The following NAALADL2 variants were observed in gnomAD, a reference collection of about 807,000 sequenced individuals.
NAALADL2 encodes inactive N-acetylated-alpha-linked acidic dipeptidase-like protein 2.
In NAALADL2, 76 loss-of-function variants were observed where a neutral mutation model predicts 87.2. The ratio of observed to expected loss-of-function variants is 0.87; its 90% CI spans 0.72 to 1.05. The LOEUF (loss-of-function observed/expected upper bound fraction) is 1.05, where lower values mean the gene tolerates loss of function less well. Among genes scored for constraint, NAALADL2 ranks in the 50% least tolerant of loss-of-function variants. The pLI is 0.00. For missense variants in NAALADL2, 1,089 were observed against 945.8 expected (o/e 1.15, Z -1.99); for synonymous variants, 354 against 331.0 (o/e 1.07, Z -0.75).
intron 11 of NAALADL2, among the ~76,000 whole-genome samples, chr3:175,640,048 TA>T (rs1440234201): frequency 1.3e-5 from 2 of 152,180 alleles, no homozygotes; most frequent in East Asian, 3.8e-4. Context: ...ATAGAAAATT[TA>T]AAAACGTGAT....
chr3:175,525,369 G>A (rs949548427), intron 9 of NAALADL2, among the ~76,000 whole-genome samples: 18 of 152,162 alleles, frequency 1.2e-4, no homozygotes, highest in East Asian at 5.8e-4. Flanking sequence ...CTACCCCATC[G>A]TCCCATTTCT....
chr3:175,792,491 T>G (rs1475609211), intron 13 of NAALADL2, among the ~76,000 whole-genome samples: 2 of 152,342 alleles, frequency 1.3e-5, no homozygotes, highest in Non-Finnish European at 2.9e-5. Flanking sequence ...CAAATCATCT[T>G]GAATACTTAC....
At chr3:175,640,027 G>A (rs1200444641) in intron 11 of NAALADL2, among the ~76,000 whole-genome samples, 1 of 152,202 alleles carries the variant, frequency 6.6e-6, no homozygotes, top group Non-Finnish European at 1.5e-5. Context: ...AGAAAGCAGA[G>A]ATGCTTCAGA....
chr3:175,054,348 G>A (rs1429771223), intron 1 of NAALADL2, among the ~76,000 whole-genome samples: 10 of 152,264 alleles, frequency 6.6e-5, no homozygotes, highest in Non-Finnish European at 1.5e-4. Flanking sequence ...GGATAGTAAA[G>A]AAACAGTCTT....
At chr3:175,095,291 G>T (rs540790712) in intron 1 of NAALADL2, among the ~76,000 whole-genome samples, 1 of 151,948 alleles carries the variant, frequency 6.6e-6, no homozygotes. Flanking sequence ...TCACCCCTGA[G>T]TTTCCCTGAC....
rs192593937 is a variant in NAALADL2 at position 175,692,888 on chromosome 3, C to G, written c.1897-44418C>G. ...GGGTATAAATTCAAGGAGCTGTCCA[C>G]AAGACCCATAATTACTCTGATATCA... is the stretch of plus-strand genomic sequence containing the variant. On this transcript the variant is annotated intron_variant, in intron 11 of 13. Transcript: ENST00000454872. Among the ~76,000 whole-genome samples, 22 of 152,226 alleles carry G rather than the reference C, an allele frequency of 1.4e-4. No homozygotes were observed. The East Asian group carries it at 4.1e-3, about 28-fold the overall frequency.
chr3:175,733,784 A>G (rs1219164917), intron 11 of NAALADL2, among the ~76,000 whole-genome samples: 2 of 152,208 alleles, frequency 1.3e-5, no homozygotes, highest in African/African-American at 2.4e-5. Flanking sequence ...TATTGGGTAA[A>G]TACAGCCATT....
chr3:175,769,864 T>TA (rs563841857), intron 13 of NAALADL2, among the ~76,000 whole-genome samples: 57 of 152,286 alleles, frequency 3.7e-4, no homozygotes, highest in South Asian at 1.7e-3. Flanking sequence ...GAGTTGATGT[T>TA]ATAGTCTTGA....
At chr3:175,550,822 A>G (rs565476216) in intron 9 of NAALADL2, among the ~76,000 whole-genome samples, 1 of 152,176 alleles carries the variant, frequency 6.6e-6, no homozygotes, top group Non-Finnish European at 1.5e-5. Flanking sequence ...GAATCTCTAG[A>G]TATATACTGT....
chr3:175,601,498 G>A (rs73884451), intron 10 of NAALADL2, among the ~76,000 whole-genome samples: 2,547 of 152,222 alleles, frequency 0.017, 72 homozygotes, highest in African/African-American at 0.058. Flanking sequence ...GATATCTGGC[G>A]ATATGGAGCA....
At chr3:175,413,263 C>T (rs1320823961) in intron 5 of NAALADL2, among the ~76,000 whole-genome samples, 1 of 149,124 alleles carries the variant, frequency 6.7e-6, no homozygotes, top group Non-Finnish European at 1.5e-5. Flanking sequence ...GGTGAAAGCC[C>T]GACTCCATTA....
At chr3:175,208,500 T>C (rs939130027) in intron 2 of NAALADL2, among the ~76,000 whole-genome samples, 2 of 152,138 alleles carry the variant, frequency 1.3e-5, no homozygotes, top group African/African-American at 4.8e-5. Flanking sequence ...GTGGCCATCA[T>C]TGCTCCTGTT....
chr3:175,054,090 C>T (rs574676186), intron 1 of NAALADL2, among the ~76,000 whole-genome samples: 1 of 152,234 alleles, frequency 6.6e-6, no homozygotes, highest in East Asian at 1.9e-4. Context: ...TGGAATGAAC[C>T]ACGTATGAAG....
intron 2 of NAALADL2, among the ~76,000 whole-genome samples, chr3:174,586,620 C>G (rs986025914): frequency 1.3e-5 from 2 of 152,202 alleles, no homozygotes; most frequent in African/African-American, 4.8e-5. Context: ...TCAGCCTCCA[C>G]TTGGCAACCT....
chr3:175,287,368 T>C (rs1017441286), intron 4 of NAALADL2, among the ~76,000 whole-genome samples: 1 of 152,156 alleles, frequency 6.6e-6, no homozygotes, highest in African/African-American at 2.4e-5. Flanking sequence ...CAGGAAACAT[T>C]TAGCTACCCC....
At chr3:175,558,890 T>C (rs544715490) in intron 9 of NAALADL2, among the ~76,000 whole-genome samples, 1 of 152,204 alleles carries the variant, frequency 6.6e-6, no homozygotes, top group Non-Finnish European at 1.5e-5. Flanking sequence ...TTGCTTAGAA[T>C]AGCTTTGGCT....
chr3:175,115,954 C>T (rs2108525838), intron 2 of NAALADL2, among the ~76,000 whole-genome samples: 1 of 151,998 alleles, frequency 6.6e-6, no homozygotes. Flanking sequence ...TAAATGTAAT[C>T]CATCTTGTAA....
At chr3:175,197,557 A>T (rs528064911) in intron 2 of NAALADL2, among the ~76,000 whole-genome samples, 1 of 152,150 alleles carries the variant, frequency 6.6e-6, no homozygotes, top group Non-Finnish European at 1.5e-5. Context: ...AACTGTGTAT[A>T]TGGTTGAGAA....
At chr3:175,006,861 T>C (rs1293653164) in intron 1 of NAALADL2, among the ~76,000 whole-genome samples, 1 of 151,368 alleles carries the variant, frequency 6.6e-6, no homozygotes, top group East Asian at 1.9e-4. Flanking sequence ...TTTTTGGATG[T>C]TGTGAGCGTA....
Sources: gnomAD v4.1 joint callset for allele counts (sites outside exome capture counted in the v4.1 genomes callset) on GRCh38, gnomAD v4.1.1 for gene constraint, MANE v1.5 for transcripts, NCBI Gene and HGNC (gene_info 2026-07-23, HGNC 2026-07-21) for gene names.